MYT1L: variants seen among roughly 807,000 people sequenced by gnomAD.
MYT1L encodes myelin transcription factor 1 like, also known as myelin transcription factor 1-like protein.
In MYT1L, 12 loss-of-function variants were observed where a neutral mutation model predicts 126.7. That is an observed-to-expected ratio of 0.09 (90% CI 0.06 to 0.15). The LOEUF (loss-of-function observed/expected upper bound fraction) is 0.15. Ranked by LOEUF, MYT1L falls within the 10% of genes least tolerant of loss-of-function variation. MYT1L has a pLI of 1.00. For synonymous variants in MYT1L, 541 were observed against 604.2 expected, an observed-to-expected ratio of 0.90 and a Z score of 1.53; for missense variants, 979 against 1,585.2, an observed-to-expected ratio of 0.62 and a Z score of 6.49.
chr2:2,078,912 G>A (rs372310649), intron 3 of MYT1L, among the ~76,000 whole-genome samples: 2 of 152,284 alleles, frequency 1.3e-5, no homozygotes, highest in African/African-American at 2.4e-5. Flanking sequence ...AACCCCCAAG[G>A]TAATGGTATT....
chr2:2,007,115 G>T (rs1276366848), intron 4 of MYT1L, among the ~76,000 whole-genome samples: 1 of 151,554 alleles, frequency 6.6e-6, no homozygotes, highest in Non-Finnish European at 1.5e-5. Context: ...CTGTATCTTG[G>T]CTATTGTCAA....
chr2:1,932,197 G>A (rs906878870), intron 9 of MYT1L, among the ~76,000 whole-genome samples: 1 of 152,150 alleles, frequency 6.6e-6, no homozygotes, highest in African/African-American at 2.4e-5. Flanking sequence ...TCTTACACAG[G>A]GAATTGAGGC....
rs112177316 is a variant in MYT1L, at chr2:1,870,501, G to A, written c.2711+16038C>T. Among the ~76,000 whole-genome samples, 639 of 152,288 alleles carry A rather than the reference G, an allele frequency of 4.2e-3. 4 individuals are homozygous for A. Among genetic ancestry groups the A allele is most frequent in the Non-Finnish European group, 7.7e-3 (522 of 68,014 alleles). ...GGTCTGCTGGCACTAGGAGCTTGTGGAAATGGCCCAGTCTTGCCTCAGTGA... is the reference window on the plus strand; with the variant it reads ...GGTCTGCTGGCACTAGGAGCTTGTGAAAATGGCCCAGTCTTGCCTCAGTGA... On this transcript the variant is annotated intron_variant, in intron 18 of 24. Coordinates refer to ENST00000647738, the MANE Select transcript of MYT1L (RefSeq NM_001303052.2).
intron 2 of MYT1L, among the ~76,000 whole-genome samples, chr2:2,266,487 G>GGGGGT (rs2095133387): frequency 1.3e-5 from 2 of 152,186 alleles, no homozygotes; most frequent in Admixed American, 6.5e-5. Flanking sequence ...AAATATTGAT[G>GGGGGT]GGGGTGGGGT....
At chr2:2,169,930 A>G (rs2089767613) in intron 3 of MYT1L, among the ~76,000 whole-genome samples, 2 of 152,204 alleles carry the variant, frequency 1.3e-5, no homozygotes. Context: ...TGATATTTCT[A>G]GTCAGACAGG....
At chr2:2,046,991 T>C (rs1486391286) in intron 4 of MYT1L, among the ~76,000 whole-genome samples, 1 of 152,228 alleles carries the variant, frequency 6.6e-6, no homozygotes, top group Non-Finnish European at 1.5e-5. Context: ...CTCTGAATTG[T>C]CTTCCATATC....
At chr2:2,321,450 G>A (rs1360032607) in intron 1 of MYT1L, among the ~76,000 whole-genome samples, 1 of 152,162 alleles carries the variant, frequency 6.6e-6, no homozygotes, top group African/African-American at 2.4e-5. Context: ...GATGGCACAG[G>A]CTGGTGGAAT....
intron 5 of MYT1L, among the ~76,000 whole-genome samples, chr2:1,981,698 C>T (rs946806042): frequency 6.6e-5 from 10 of 152,068 alleles, no homozygotes; most frequent in Non-Finnish European, 1.3e-4. Flanking sequence ...ATGGGGAGGA[C>T]GAGTCGCAAA....
intron 2 of MYT1L, among the ~76,000 whole-genome samples, chr2:2,176,389 G>A (rs2090776028): frequency 6.6e-6 from 1 of 152,140 alleles, no homozygotes; most frequent in Non-Finnish European, 1.5e-5. Context: ...TTGGAACATT[G>A]GAAAGTATTT....
chr2:2,201,282 C>T (rs2093059259), intron 2 of MYT1L, among the ~76,000 whole-genome samples: 1 of 152,154 alleles, frequency 6.6e-6, no homozygotes, highest in Non-Finnish European at 1.5e-5. Context: ...CACAACTGCT[C>T]CAGAATGTAC....
chr2:1,793,669 C>T lies in MYT1L; in HGVS notation c.3277-1205G>A, dbSNP rs1213384037. 2.6e-5 allele frequency among the ~76,000 whole-genome samples: 4 copies of T among 152,194 alleles called. No homozygotes were observed. The highest frequency in any genetic ancestry group is 5.9e-5 in the Non-Finnish European group (4 of 68,036). Reference sequence around the variant, plus strand: ...GCCCTCCAGGATGAAGTGGGGAGGGCCGGCCTTCTCCTTGGAAGGAATCGC... The same window carrying T: ...GCCCTCCAGGATGAAGTGGGGAGGGTCGGCCTTCTCCTTGGAAGGAATCGC... On this transcript the variant is annotated intron_variant, in intron 23 of 24. Transcript: ENST00000647738. This position sits in a 1 kb window ranked among gnomAD's most constrained non-coding sequence, Gnocchi z 4.6.
At chr2:2,293,573 C>T (rs1464417280) in intron 1 of MYT1L, among the ~76,000 whole-genome samples, 2 of 152,140 alleles carry the variant, frequency 1.3e-5, no homozygotes, top group Non-Finnish European at 1.5e-5. Context: ...AGGTGAGGGG[C>T]CTCAGGGGGT....
At chr2:2,329,003 A>G (rs2096268581) in intron 1 of MYT1L, among the ~76,000 whole-genome samples, 1 of 152,180 alleles carries the variant, frequency 6.6e-6, no homozygotes, top group Non-Finnish European at 1.5e-5. Context: ...TTGCCAATAA[A>G]CTAGGAGGAA....
At chr2:1,971,336 C>T (rs2059793670) in intron 8 of MYT1L, among the ~76,000 whole-genome samples, 1 of 152,208 alleles carries the variant, frequency 6.6e-6, no homozygotes, top group South Asian at 2.1e-4. Flanking sequence ...TACAGACAGG[C>T]ACCAGGCAAA....
rs17039321 is a variant in MYT1L, at chr2:2,099,166, T to C, written c.-303-45043A>G. Among the ~76,000 whole-genome samples, 1,199 of 152,306 alleles carry C rather than the reference T, an allele frequency of 7.9e-3. 65 individuals are homozygous for C. In the East Asian group the frequency reaches 0.14, roughly 18 times the overall value. ...TTTTTTTTTAACAACATGATTTCTT[T>C]GGCTGAGATGATCAGTCCCAGAATG... On this transcript the variant is annotated intron_variant, in intron 3 of 24. Coordinates refer to ENST00000647738, the MANE Select transcript of MYT1L (RefSeq NM_001303052.2).
Position 1,868,974 on chromosome 2 carries a change from A to G in MYT1L, c.2712-17271T>C, listed in dbSNP as rs564465707. 1.1e-3 allele frequency among the ~76,000 whole-genome samples: 161 copies of G among 152,298 alleles called. 1 individual carries two copies. Among genetic ancestry groups the G allele is most frequent in the South Asian group, 8.5e-3 (41 of 4,828 alleles). Reference sequence around the variant, plus strand: ...AGCTTAACCAGCCCTCAGCAGAGATAAGGATATACAGCCCAGGAACCTTTG... The same window carrying G: ...AGCTTAACCAGCCCTCAGCAGAGATGAGGATATACAGCCCAGGAACCTTTG... On this transcript the variant is annotated intron_variant, in intron 18 of 24. Coordinates refer to ENST00000647738, the MANE Select transcript of MYT1L (RefSeq NM_001303052.2).
chr2:1,955,210 G>GAA (rs35505446), intron 8 of MYT1L, among the ~76,000 whole-genome samples: 2,187 of 144,032 alleles, frequency 0.015, 49 homozygotes, highest in African/African-American at 0.052. Flanking sequence ...AGAAAATGCA[G>GAA]AAAAAAAAAA....
At chr2:1,988,727 T>C (rs2061241250) in intron 5 of MYT1L, among the ~76,000 whole-genome samples, 1 of 152,218 alleles carries the variant, frequency 6.6e-6, no homozygotes, top group African/African-American at 2.4e-5. Flanking sequence ...TTTACAGAGC[T>C]TGGTGCATAG....
chr2:1,822,648 GT>G (rs1297536757), intron 21 of MYT1L, among the ~76,000 whole-genome samples: 1 of 152,314 alleles, frequency 6.6e-6, no homozygotes, highest in African/African-American at 2.4e-5. Flanking sequence ...GATGGCTGTT[GT>G]GGTAGCAAAC....
Sources: gnomAD v4.1 joint callset for allele counts (sites outside exome capture counted in the v4.1 genomes callset) on GRCh38, gnomAD v4.1.1 for gene constraint, Gnocchi (gnomAD v3.1) non-coding constraint, MANE v1.5 for transcripts, NCBI Gene and HGNC (gene_info 2026-07-23, HGNC 2026-07-21) for gene names.